Variants in LARGE1 observed in about 807,000 individuals in gnomAD.
The protein encoded by LARGE1 is LARGE xylosyl- and glucuronyltransferase 1.
A neutral mutation model predicts 87.6 loss-of-function variants in LARGE1; 43 were observed. The observed-to-expected ratio is 0.49, with a 90% CI of 0.38 to 0.63. The LOEUF is 0.63. Among genes scored for constraint, LARGE1 ranks in the 30% least tolerant of loss-of-function variants. The probability of loss-of-function intolerance (pLI) is 0.00; values close to 1 mark genes in which losing one functional copy is unlikely to be tolerated. For synonymous variants in LARGE1, 434 were observed against 394.6 expected (o/e 1.10, Z -1.18); for missense variants, 802 against 1,000.2 (o/e 0.80, Z 2.67).
chr22:33,381,036 G>C (rs112323071), intron 9 of LARGE1, among the ~76,000 whole-genome samples: 2,873 of 152,272 alleles, frequency 0.019, 97 homozygotes, highest in African/African-American at 0.066. Flanking sequence ...TAGCAACAAT[G>C]ACTCAAGGTT....
In LARGE1 at chr22:33,697,549, CAAAAA is replaced by C. The variant is rs3072289; in HGVS notation, c.107-46886_107-46882del. Among the ~76,000 whole-genome samples, 389 of 54,142 alleles carry C rather than the reference CAAAAA, an allele frequency of 7.2e-3. 6 individuals carry two copies. The highest frequency in any genetic ancestry group is 0.028 in the African/African-American group (332 of 11,924). The allele number at this position is 54,142 out of a possible 152,430, so 35.5% of individuals were successfully genotyped here. On this transcript the variant is annotated intron_variant, in intron 2 of 14. Coordinates refer to ENST00000397394, the MANE Select transcript of LARGE1 (RefSeq NM_133642.5). Reference sequence around the variant, plus strand: ...CTGGCGACAAAGCTAGACTCTGTCCCAAAAAAAAAAAAAAAAAAAAAGGAAATACA... The same window carrying C: ...CTGGCGACAAAGCTAGACTCTGTCCCAAAAAAAAAAAAAAAAGGAAATACA...
At chr22:33,450,959 C>T (rs967801088) in intron 6 of LARGE1, among the ~76,000 whole-genome samples, 4 of 152,192 alleles carry the variant, frequency 2.6e-5, no homozygotes, top group Non-Finnish European at 5.9e-5. Context: ...GAACAGCACA[C>T]ACTCCACATA....
At chr22:33,826,750 T>C (rs893826086) in intron 1 of LARGE1, among the ~76,000 whole-genome samples, 3 of 152,142 alleles carry the variant, frequency 2.0e-5, no homozygotes, top group Admixed American at 6.5e-5. Context: ...AAGGGTCTTT[T>C]CCTATTTCCA....
chr22:33,288,724 A>G (rs1931994766), intron 12 of LARGE1, among the ~76,000 whole-genome samples: 3 of 152,136 alleles, frequency 2.0e-5, no homozygotes, highest in African/African-American at 7.2e-5. Context: ...CCTCCTCATC[A>G]TTCAATGATA....
rs147783903 is a variant in LARGE1 at position 33,369,735 on chromosome 22, A to G, written c.1131+12184T>C. On this transcript the variant is annotated intron_variant, in intron 9 of 14. Coordinates refer to ENST00000397394, the MANE Select transcript of LARGE1 (RefSeq NM_133642.5). ...AGGTGCACATCACCACACCCGGCTA[A>G]TTTTTATATTTTTAGTAGAGACGGG... is the stretch of plus-strand genomic sequence containing the variant. Among the ~76,000 whole-genome samples the G allele has an allele frequency of 3.4e-4, 51 of 152,080 alleles. 1 individual carries two copies. The East Asian group carries it at 9.7e-3, about 29-fold the overall frequency.
the LARGE1 span, among the ~76,000 whole-genome samples, chr22:33,149,695 G>A: frequency 6.6e-6 from 1 of 152,302 alleles, no homozygotes; most frequent in South Asian, 2.1e-4. Context: ...CTCTTATTGG[G>A]AGTTTCCAGA....
chr22:33,533,739 C>T (rs2076962878), intron 6 of LARGE1, among the ~76,000 whole-genome samples: 1 of 152,066 alleles, frequency 6.6e-6, no homozygotes, highest in Admixed American at 6.6e-5. Flanking sequence ...AATTTTTGAC[C>T]CATTTTTAAA....
At chr22:33,128,506 C>G in the LARGE1 span, among the ~76,000 whole-genome samples, 1 of 151,858 alleles carries the variant, frequency 6.6e-6, no homozygotes, top group Non-Finnish European at 1.5e-5. Flanking sequence ...GAAACCACGT[C>G]TCTATTAAAA....
intron 5 of LARGE1, among the ~76,000 whole-genome samples, chr22:33,595,612 A>T (rs2078957072): frequency 6.6e-6 from 1 of 152,216 alleles, no homozygotes; most frequent in South Asian, 2.1e-4. Context: ...ACAGTTGAAG[A>T]AATGTAGTAG....
At chr22:33,140,300 T>A in the LARGE1 span, among the ~76,000 whole-genome samples, 64,579 of 151,972 alleles carry the variant, frequency 0.42, 14,204 homozygotes, top group South Asian at 0.7. Context: ...CCCAGAGCAG[T>A]GCTCCATCAT....
Position 33,255,850 on chromosome 22 carries a change from C to G in LARGE1, c.1730+48379G>C, listed in dbSNP as rs1299346774. Among the ~76,000 whole-genome samples the G allele has an allele frequency of 2.6e-5, 4 of 152,294 alleles. No homozygotes were observed. The East Asian group carries it at 7.7e-4, about 29-fold the overall frequency. On this transcript the variant is annotated intron_variant, in intron 11 of 11. Coordinates refer to the LARGE1 transcript ENST00000608642. ...AGACTCATTTTGAGGGTCCTGTTAT[C>G]CAACTTGAGGTGTTTTGCTTTTTTG... is the stretch of plus-strand genomic sequence containing the variant.
chr22:33,335,387 T>C (rs1938318709), intron 10 of LARGE1, among the ~76,000 whole-genome samples: 1 of 152,078 alleles, frequency 6.6e-6, no homozygotes. Context: ...CCAGAGCCAG[T>C]GGCGATCCAC....
At chr22:33,188,018 G>T (rs1170387645) in intron 11 of LARGE1, among the ~76,000 whole-genome samples, 2 of 141,714 alleles carry the variant, frequency 1.4e-5, no homozygotes, top group East Asian at 4.6e-4. Context: ...GTGCGGTAAT[G>T]TCTATATTAA....
At chr22:33,070,112 G>A in the LARGE1 span, among the ~76,000 whole-genome samples, 2 of 152,248 alleles carry the variant, frequency 1.3e-5, no homozygotes, top group African/African-American at 4.8e-5. Flanking sequence ...ATGAGCTGCC[G>A]CTCCTGGCCT....
chr22:33,191,264 T>C (rs1471823517), intron 11 of LARGE1, among the ~76,000 whole-genome samples: 4 of 135,858 alleles, frequency 2.9e-5, no homozygotes, highest in African/African-American at 1.1e-4. Flanking sequence ...ATGTAAAAAG[T>C]ACATTCTGCT....
At chr22:33,149,198 G>A in the LARGE1 span, among the ~76,000 whole-genome samples, 4 of 129,948 alleles carry the variant, frequency 3.1e-5, no homozygotes, top group South Asian at 3.6e-4. Flanking sequence ...CACCATGCCC[G>A]GCTAATTATT....
chr22:33,829,308 C>T (rs932736500), intron 1 of LARGE1, among the ~76,000 whole-genome samples: 1 of 152,094 alleles, frequency 6.6e-6, no homozygotes, highest in African/African-American at 2.4e-5. Context: ...CGCACCCGGT[C>T]TTGTAGTCTC....
chr22:33,169,631 C>T (rs1922453753), intron 11 of LARGE1, among the ~76,000 whole-genome samples: 1 of 151,900 alleles, frequency 6.6e-6, no homozygotes, highest in African/African-American at 2.4e-5. Context: ...GCGGGCGGAT[C>T]ATGAGGTCAG....
intron 1 of LARGE1, among the ~76,000 whole-genome samples, chr22:33,792,171 C>T (rs1302694865): frequency 6.6e-6 from 1 of 152,192 alleles, no homozygotes; most frequent in Admixed American, 6.5e-5. Flanking sequence ...TATGCTTTGG[C>T]TGTGTCCCCA....
Sources: gnomAD v4.1 joint callset for allele counts (sites outside exome capture counted in the v4.1 genomes callset) on GRCh38, gnomAD v4.1.1 for gene constraint, MANE v1.5 for transcripts, NCBI Gene and HGNC (gene_info 2026-07-23, HGNC 2026-07-21) for gene names.